Variants in HCN1 observed in about 807,000 individuals in gnomAD.
HCN1 encodes the protein potassium/sodium hyperpolarization-activated cyclic nucleotide-gated channel 1.
Under a neutral mutation model 78.9 loss-of-function variants are expected in HCN1, and 13 were observed. The ratio of observed to expected loss-of-function variants is 0.16; its 90% CI spans 0.11 to 0.26. The LOEUF is 0.26. Ranked by LOEUF, HCN1 falls within the 10% of genes least tolerant of loss-of-function variation. The pLI is 1.00. For synonymous variants in HCN1, 552 were observed against 455.5 expected, an observed-to-expected ratio of 1.21 and a Z score of -2.70; for missense variants, 810 against 1,154.3, an observed-to-expected ratio of 0.70 and a Z score of 4.32.
At chr5:45,537,469 A>T (rs1053623176) in intron 2 of HCN1, among the ~76,000 whole-genome samples, 1 of 149,070 alleles carries the variant, frequency 6.7e-6, no homozygotes, top group African/African-American at 2.5e-5. Context: ...TTCTCCTGCA[A>T]AAAGGTTGGT....
In HCN1 at chr5:45,262,126, G is replaced by A. The variant is rs1224402504; in HGVS notation, c.2468C>T (p.Pro823Leu). ...GCCCCCTGCCTGAAGGCCCGTTCCG[G>A]GGACCGCCGTCACGGGTTGAGGGAT... ...ASIPQPVTAV[P>L]GTGLQAGGRS... Residue 823 changes from proline (P) to leucine (L), a missense_variant, in exon 8 of 8, where the codon CCC becomes CTC. Around this residue, in one of 6 missense-constraint regions of HCN1, gnomAD observed 398 missense variants for 381.3 expected, o/e 1.04. Transcript: ENST00000303230. 1 of 1,613,006 alleles carries A rather than the reference G, an allele frequency of 6.2e-7. No homozygotes were observed.
intron 3 of HCN1, among the ~76,000 whole-genome samples, chr5:45,430,660 TACC>T (rs1447921386): frequency 6.6e-6 from 1 of 152,088 alleles, no homozygotes; most frequent in Non-Finnish European, 1.5e-5. Context: ...GGTGTTTATA[TACC>T]ACATTTTTTA....
chr5:45,515,032 T>A (rs1017662515), intron 2 of HCN1, among the ~76,000 whole-genome samples: 1 of 152,010 alleles, frequency 6.6e-6, no homozygotes, highest in African/African-American at 2.4e-5. Flanking sequence ...ATTATTATGA[T>A]AATTTAGAGA....
chr5:45,485,510 T>C (rs1741738559), intron 2 of HCN1, among the ~76,000 whole-genome samples: 1 of 152,192 alleles, frequency 6.6e-6, no homozygotes, highest in South Asian at 2.1e-4. Flanking sequence ...TTTCATCTCA[T>C]CTGCATAATT....
At chr5:45,278,034 A>T (rs1007650451) in intron 6 of HCN1, among the ~76,000 whole-genome samples, 2 of 151,990 alleles carry the variant, frequency 1.3e-5, no homozygotes, top group African/African-American at 4.8e-5. Context: ...TCTTCCTGTG[A>T]TCCCTTACAG....
chr5:45,376,629 T>TTCTTATTTGATTTAAAGTTTGCAAAGAA (rs1747684621), intron 4 of HCN1, among the ~76,000 whole-genome samples: 1 of 151,876 alleles, frequency 6.6e-6, no homozygotes, highest in Non-Finnish European at 1.5e-5. Context: ...GAATGTTTAA[T>TTCTTATTTGATTTAAAGTTTGCAAAGAA]AGTCCCAACT....
At chr5:45,607,684 T>C (rs1332326035) in intron 2 of HCN1, among the ~76,000 whole-genome samples, 1 of 150,960 alleles carries the variant, frequency 6.6e-6, no homozygotes. Context: ...TACAAACAGC[T>C]GATGGATGGT....
intron 5 of HCN1, among the ~76,000 whole-genome samples, chr5:45,323,837 AG>A (rs1746177281): frequency 6.6e-6 from 1 of 151,860 alleles, no homozygotes; most frequent in African/African-American, 2.4e-5. Flanking sequence ...TCCTTGTGAT[AG>A]ATTGCTGAGA....
chr5:45,298,210 A>C (rs1200382471), intron 6 of HCN1, among the ~76,000 whole-genome samples: 1 of 152,018 alleles, frequency 6.6e-6, no homozygotes, highest in African/African-American at 2.4e-5. Context: ...TTCATGGATT[A>C]ATTGGTTGAT....
intron 2 of HCN1, among the ~76,000 whole-genome samples, chr5:45,604,230 A>C (rs1561217072): frequency 1.3e-5 from 2 of 152,086 alleles, no homozygotes; most frequent in Admixed American, 6.6e-5. Context: ...GATAGATAAG[A>C]CTTTTGTTTT....
chr5:45,286,807 C>T (rs1186089735), intron 6 of HCN1, among the ~76,000 whole-genome samples: 1 of 151,966 alleles, frequency 6.6e-6, no homozygotes, highest in African/African-American at 2.4e-5. Context: ...TTACTTCTGG[C>T]ATTTTAAATT....
intron 2 of HCN1, among the ~76,000 whole-genome samples, chr5:45,476,610 T>C (rs896541007): frequency 1.3e-5 from 2 of 152,146 alleles, no homozygotes; most frequent in Non-Finnish European, 2.9e-5. Context: ...GTATTGGAAA[T>C]CCCTTCCTTA....
At chr5:45,306,704 T>A (rs1034993509) in intron 5 of HCN1, among the ~76,000 whole-genome samples, 1 of 152,082 alleles carries the variant, frequency 6.6e-6, no homozygotes, top group Non-Finnish European at 1.5e-5. Flanking sequence ...CACCTTTCCT[T>A]AGGGCACATT....
intron 1 of HCN1, among the ~76,000 whole-genome samples, chr5:45,649,157 C>T (rs79727060): frequency 0.071 from 10,828 of 151,978 alleles, 560 homozygotes; most frequent in Middle Eastern, 0.15. Context: ...GCCCTCAAAT[C>T]CCCTCAAATC....
chr5:45,524,840 A>G (rs1742698301), intron 2 of HCN1, among the ~76,000 whole-genome samples: 1 of 152,034 alleles, frequency 6.6e-6, no homozygotes, highest in Non-Finnish European at 1.5e-5. Flanking sequence ...CTAATTGAAT[A>G]CCCTTTATTT....
chr5:45,407,629 C>A (rs1739950905), intron 3 of HCN1, among the ~76,000 whole-genome samples: 1 of 152,058 alleles, frequency 6.6e-6, no homozygotes, highest in Non-Finnish European at 1.5e-5. Flanking sequence ...ATGTGAGTCT[C>A]CTGCCTCAGC....
rs868373158 is a variant in HCN1, at chr5:45,255,892, C to T, written c.*6029G>A. ...TGCAACCTGTTTTTTTGCAAAATTCCGTTATTTAAAAAAAAAAGTCTGAAT... is the reference window on the plus strand; with the variant it reads ...TGCAACCTGTTTTTTTGCAAAATTCTGTTATTTAAAAAAAAAAGTCTGAAT... On this transcript the variant is annotated 3_prime_UTR_variant, in exon 8 of 8. Coordinates refer to ENST00000303230, the MANE Select transcript of HCN1 (RefSeq NM_021072.4). The T allele has an allele frequency of 1.1e-4, 17 of 151,032 alleles. No individual in the cohort carries two copies. Among genetic ancestry groups the T allele is most frequent in the Middle Eastern group, 3.4e-3 (1 of 290 alleles). 9.4% of individuals were successfully genotyped at this position (151,032 alleles called of 1,614,324 possible).
chr5:45,565,680 T>C (rs1743694657), intron 2 of HCN1, among the ~76,000 whole-genome samples: 1 of 151,938 alleles, frequency 6.6e-6, no homozygotes, highest in South Asian at 2.1e-4. Flanking sequence ...AAAAAATAGC[T>C]GGGTGTGGTG....
chr5:45,595,094 AT>A (rs971493821), intron 2 of HCN1, among the ~76,000 whole-genome samples: 5 of 151,760 alleles, frequency 3.3e-5, no homozygotes, highest in African/African-American at 9.7e-5. Flanking sequence ...AAGGCAGGAT[AT>A]TTTTTTCCAA....
Sources: gnomAD v4.1 joint callset for allele counts (sites outside exome capture counted in the v4.1 genomes callset) on GRCh38, gnomAD v4.1.1 for gene constraint, gnomAD v4.1.1 regional missense constraint, MANE v1.5 for transcripts, NCBI Gene and HGNC (gene_info 2026-07-23, HGNC 2026-07-21) for gene names.